TBCD: variants seen among roughly 807,000 people sequenced by gnomAD.
The protein encoded by TBCD is tubulin folding cofactor D.
A neutral mutation model predicts 169.3 loss-of-function variants in TBCD; 105 were observed. The observed-to-expected ratio is 0.62, with a 90% CI of 0.53 to 0.73. The LOEUF is 0.73. Among genes scored for constraint, TBCD ranks in the 30% least tolerant of loss-of-function variants. The pLI is 0.00. For synonymous variants in TBCD, 700 were observed against 643.9 expected (o/e 1.09, Z -1.32); for missense variants, 1,444 against 1,600.1 (o/e 0.90, Z 1.66).
intron 13 of TBCD, chr17:82,830,015 GT>G (rs869264041): frequency 7.9e-7 from 1 of 1,263,432 alleles, no homozygotes; most frequent in Non-Finnish European, 1.1e-6. Context: ...TTGTTTGTTT[GT>G]TTTTTTGAGA....
chr17:82,867,838 T>C (rs916276000), intron 13 of TBCD, among the ~76,000 whole-genome samples: 12 of 152,334 alleles, frequency 7.9e-5, no homozygotes, highest in African/African-American at 2.6e-4. Flanking sequence ...GGTTTGCAGA[T>C]TGATGGCAGC....
In TBCD at chr17:82,850,020, G is replaced by GC. The variant is rs1370222562; in HGVS notation, c.1319-20204_1319-20203insC. Among the ~76,000 whole-genome samples the GC allele has an allele frequency of 1.1e-3, 131 of 117,498 alleles. 3 individuals carry two copies. Among genetic ancestry groups the GC allele is most frequent in the South Asian group, 2.1e-3 (7 of 3,378 alleles). 77.1% of individuals were successfully genotyped at this position (117,498 alleles called of 152,430 possible). A position where few individuals can be genotyped will look rare whatever the true frequency, so the allele number is the denominator to read the frequency against. On this transcript the variant is annotated intron_variant, in intron 13 of 38. Transcript: ENST00000355528. ...TGGCTGTGCTGCTGTTGGCTGTGCT[G>GC]TTGTTGGCTGTGCTGTTGTTGGCTG...
intron 23 of TBCD, chr17:82,914,201 G>A (rs2060867369): frequency 6.6e-6 from 1 of 152,380 alleles, no homozygotes; most frequent in Non-Finnish European, 1.5e-5. Flanking sequence ...CGGTTTCGGT[G>A]TTTGGCGTCT....
chr17:82,763,147 C>T (rs377382978), intron 2 of TBCD, among the ~76,000 whole-genome samples: 7 of 152,114 alleles, frequency 4.6e-5, no homozygotes, highest in South Asian at 2.1e-4. Flanking sequence ...ACAGGAGTGT[C>T]GAAGTTTTCA....
intron 13 of TBCD, among the ~76,000 whole-genome samples, chr17:82,820,168 A>G (rs1170575435): frequency 1.3e-5 from 2 of 151,830 alleles, no homozygotes; most frequent in African/African-American, 4.8e-5. Context: ...AGTAGAGACC[A>G]GATTTCTCCA....
intron 13 of TBCD, chr17:82,829,944 G>A (rs2053325617): frequency 1.2e-6 from 1 of 857,232 alleles, no homozygotes; most frequent in Admixed American, 2.8e-5. Context: ...AAAAGTAGAA[G>A]CACCTTTTAA....
intron 2 of TBCD, 148 bp downstream of exon 2, chr17:82,756,363 C>A: frequency 2.5e-6 from 2 of 789,330 alleles, no homozygotes; most frequent in Non-Finnish European, 4.2e-6. Context: ...TGGTTTTAGC[C>A]GACCTGTGAT....
chr17:82,820,119 A>G (rs577153028), intron 13 of TBCD, among the ~76,000 whole-genome samples: 1 of 152,008 alleles, frequency 6.6e-6, no homozygotes, highest in South Asian at 2.1e-4. Context: ...GCTGGGAGTC[A>G]GGCGCCCGCC....
chr17:82,855,803 A>T (rs1047280552), intron 13 of TBCD, among the ~76,000 whole-genome samples: 2 of 152,138 alleles, frequency 1.3e-5, no homozygotes, highest in Non-Finnish European at 2.9e-5. Context: ...ACATGACTGT[A>T]TTCCCAACCC....
At chr17:82,777,539 C>T (rs949316447) in intron 6 of TBCD, among the ~76,000 whole-genome samples, 2 of 152,230 alleles carry the variant, frequency 1.3e-5, no homozygotes, top group African/African-American at 2.4e-5. Context: ...TCGTGGGTCA[C>T]GTGTCCACTG....
intron 27 of TBCD, among the ~76,000 whole-genome samples, chr17:82,925,730 A>G (rs536100070): frequency 1.3e-5 from 2 of 152,308 alleles, no homozygotes; most frequent in Admixed American, 6.5e-5. Flanking sequence ...GTGGGGGTTT[A>G]TCCAGTTGAA....
intron 14 of TBCD, among the ~76,000 whole-genome samples, chr17:82,872,956 T>A (rs1326483620): frequency 6.9e-6 from 1 of 143,904 alleles, no homozygotes; most frequent in Non-Finnish European, 1.5e-5. Flanking sequence ...CGGCACCTCG[T>A]GGCCGACGGC....
At chr17:82,805,835 G>C in intron 9 of TBCD, 40 bp from the exon 10 acceptor site, 3 of 1,575,402 alleles carry the variant, frequency 1.9e-6, no homozygotes, top group Non-Finnish European at 2.6e-6. Flanking sequence ...AGGATGCTGT[G>C]AGCTACAAAG....
At chr17:82,768,590 C>T (rs1346532665) in intron 5 of TBCD, 24 bp downstream of exon 5, 1 of 1,611,392 alleles carries the variant, frequency 6.2e-7, no homozygotes. Context: ...AGATAATTAG[C>T]TGCTAATTAG....
rs71376530 is a variant in TBCD, at chr17:82,767,256, G to T, written c.435+888G>T. ...ACCGTGCAGTGCGGTGGCTTGTCTCGGCGTGGATGTGACTGATGAGCGCTG... is the reference window on the plus strand; with the variant it reads ...ACCGTGCAGTGCGGTGGCTTGTCTCTGCGTGGATGTGACTGATGAGCGCTG... On this transcript the variant is annotated intron_variant, in intron 4 of 38. Transcript: ENST00000355528. Among the ~76,000 whole-genome samples, 791 of 152,210 alleles carry T rather than the reference G, an allele frequency of 5.2e-3. 5 individuals are homozygous for T. The highest frequency in any genetic ancestry group is 9.2e-3 in the Non-Finnish European group (629 of 68,012).
At chr17:82,932,410 C>G (rs1000096183) in intron 33 of TBCD, among the ~76,000 whole-genome samples, 2 of 152,238 alleles carry the variant, frequency 1.3e-5, no homozygotes, top group African/African-American at 4.8e-5. Flanking sequence ...GTTTGCTTCA[C>G]TTTGCACCAG....
intron 13 of TBCD, among the ~76,000 whole-genome samples, chr17:82,844,174 T>C (rs867052172): frequency 8.5e-6 from 1 of 118,274 alleles, no homozygotes; most frequent in Non-Finnish European, 1.8e-5. Context: ...TTTCTTTTAG[T>C]GGGGAGTGGA....
chr17:82,763,893 C>T (rs980579739), intron 2 of TBCD, 72 bp from the exon 3 acceptor site: 24 of 1,322,278 alleles, frequency 1.8e-5, no homozygotes, highest in East Asian at 7.1e-5. Flanking sequence ...GCATGAGCCA[C>T]CACACCTGGC....
intron 21 of TBCD, chr17:82,908,285 T>C (rs921826775): frequency 2.2e-6 from 1 of 456,844 alleles, no homozygotes; most frequent in Non-Finnish European, 4.4e-6. Flanking sequence ...CACAGAAGCC[T>C]CTGGTTTCCA....
Sources: gnomAD v4.1 joint callset for allele counts (sites outside exome capture counted in the v4.1 genomes callset) on GRCh38, gnomAD v4.1.1 for gene constraint, MANE v1.5 for transcripts, NCBI Gene and HGNC (gene_info 2026-07-23, HGNC 2026-07-21) for gene names.